The following COL6A6 variants were observed in gnomAD, a reference collection of about 807,000 sequenced individuals.
COL6A6 encodes the protein collagen type VI alpha 6 chain.
COL6A6 carries 183 observed loss-of-function variants against 208.6 expected under a neutral mutation model. That is an observed-to-expected ratio of 0.88 (90% CI 0.78 to 0.99). The LOEUF (loss-of-function observed/expected upper bound fraction) is 0.99, where lower values mean the gene tolerates loss of function less well. COL6A6 is among the 50% of genes least tolerant of loss of function. The pLI, the probability that COL6A6 is intolerant of heterozygous loss-of-function variation, is 0.00. For synonymous variants in COL6A6, 973 were observed against 1,011.8 expected, an observed-to-expected ratio of 0.96 and a Z score of 0.73; for missense variants, 2,816 against 2,815.2, an observed-to-expected ratio of 1.00 and a Z score of -0.01.
intron 20 of COL6A6, among the ~76,000 whole-genome samples, chr3:130,603,848 A>T (rs1413275375): frequency 6.6e-6 from 1 of 152,000 alleles, no homozygotes; most frequent in Non-Finnish European, 1.5e-5. Context: ...TGATGGTTCT[A>T]TATCTAGGAA....
chr3:130,614,404 G>A (rs184576403), intron 23 of COL6A6, among the ~76,000 whole-genome samples: 36 of 152,186 alleles, frequency 2.4e-4, no homozygotes, highest in Middle Eastern at 6.8e-3. Flanking sequence ...TACTGGATTC[G>A]CTTTGCTAGT....
At chr3:130,620,118 TG>T (rs1254543243) in intron 23 of COL6A6, among the ~76,000 whole-genome samples, 2 of 150,550 alleles carry the variant, frequency 1.3e-5, no homozygotes, top group South Asian at 2.1e-4. Context: ...AGTTTTGTTT[TG>T]TTTTTTTTTG....
chr3:130,530,800 G>A (rs2062062546), intron 1 of COL6A6, among the ~76,000 whole-genome samples: 1 of 152,062 alleles, frequency 6.6e-6, no homozygotes, highest in African/African-American at 2.4e-5. Flanking sequence ...TAATGCATGT[G>A]GGCCTCATTC....
In COL6A6 at chr3:130,563,223, A is replaced by C. The variant is rs2062935189; in HGVS notation, c.220A>C (p.Lys74Gln). Reference sequence around the variant, plus strand: ...TGTGGCCCTGGCCCAGTACAGTGATAAACTTCACAGTGAATTCCACCTGAG... The same window carrying C: ...TGTGGCCCTGGCCCAGTACAGTGATCAACTTCACAGTGAATTCCACCTGAG... ...YRVALAQYSD[K>Q]LHSEFHLSTF... Residue 74 changes from lysine (K) to glutamine (Q), a missense_variant, in exon 3 of 37, where the codon AAA (lysine) becomes CAA (glutamine). Physicochemically the swap from Lys to Gln is moderately conservative, Grantham distance 53. Transcript: ENST00000358511. The C allele has an allele frequency of 1.2e-6, 2 of 1,614,020 alleles. No homozygotes were observed. The highest frequency in any genetic ancestry group is 1.7e-6 in the Non-Finnish European group (2 of 1,179,892).
chr3:130,578,539 C>T (rs1269744994), intron 8 of COL6A6, among the ~76,000 whole-genome samples: 4 of 152,168 alleles, frequency 2.6e-5, no homozygotes, highest in Middle Eastern at 3.4e-3. Flanking sequence ...ATAACTGGTG[C>T]GTTGGTCATG....
At chr3:130,594,790 G>A (rs1044613478) in intron 18 of COL6A6, among the ~76,000 whole-genome samples, 2 of 152,098 alleles carry the variant, frequency 1.3e-5, no homozygotes, top group South Asian at 2.1e-4. Context: ...AGTTCCACAT[G>A]GCTGAGGTGC....
chr3:130,661,405 A>G (rs916276546), intron 34 of COL6A6, among the ~76,000 whole-genome samples: 2 of 152,206 alleles, frequency 1.3e-5, no homozygotes, highest in African/African-American at 2.4e-5. Context: ...CTAATCTTTA[A>G]AAGTCTGATA....
At chr3:130,558,474 C>T (rs1053036480) in intron 1 of COL6A6, among the ~76,000 whole-genome samples, 1 of 152,216 alleles carries the variant, frequency 6.6e-6, no homozygotes. Flanking sequence ...ATCCAGAGAA[C>T]TTAACTTTTG....
At chr3:130,582,222 T>C (rs2063441780) in intron 10 of COL6A6, among the ~76,000 whole-genome samples, 154 bp downstream of exon 10, 1 of 152,170 alleles carries the variant, frequency 6.6e-6, no homozygotes, top group African/African-American at 2.4e-5. Flanking sequence ...ACAAATGAGC[T>C]CTCAGAATAT....
intron 20 of COL6A6, among the ~76,000 whole-genome samples, chr3:130,605,015 C>T (rs80249677): frequency 2.0e-4 from 31 of 152,174 alleles, no homozygotes; most frequent in Non-Finnish European, 8.8e-5. Flanking sequence ...GCCTAGTAAC[C>T]CTGCTACTTC....
chr3:130,625,415 A>T (rs994457973), intron 24 of COL6A6, among the ~76,000 whole-genome samples: 1 of 152,210 alleles, frequency 6.6e-6, no homozygotes, highest in Admixed American at 6.5e-5. Context: ...ACTTGGCATT[A>T]GGGAAACTTG....
chr3:130,541,783 C>T (rs2062369086), intron 1 of COL6A6, among the ~76,000 whole-genome samples: 1 of 152,166 alleles, frequency 6.6e-6, no homozygotes, highest in Admixed American at 6.5e-5. Context: ...CAAAACCCAC[C>T]AGTGAACATA....
At chr3:130,526,808 T>C (rs1308041679) in intron 1 of COL6A6, among the ~76,000 whole-genome samples, 1 of 146,926 alleles carries the variant, frequency 6.8e-6, no homozygotes, top group African/African-American at 2.6e-5. Context: ...ATATGCTCCA[T>C]GAGATAAAAA....
At chr3:130,616,577 A>G (rs2064533759) in intron 23 of COL6A6, among the ~76,000 whole-genome samples, 1 of 146,798 alleles carries the variant, frequency 6.8e-6, no homozygotes, top group Admixed American at 6.8e-5. Flanking sequence ...AAAAGGATGG[A>G]AAATCAGACA....
Position 130,568,535 on chromosome 3 carries a change from G to T in COL6A6, c.2332G>T (p.Val778Phe), listed in dbSNP as rs201380592. ...TGGGAGGCCCGAGATGGTTTTTTAT[G>T]TTGAGAATTTTGACATTCTGCAGCG... Reference protein sequence around the residue: ...ISGRPEMVFYVENFDILQRIE... With the variant: ...ISGRPEMVFYFENFDILQRIE... The change falls in exon 6 of 37, where the codon GTT becomes TTT. Residue 778 changes from valine to phenylalanine, a missense_variant. By Grantham distance (50) the Val-to-Phe change is conservative. Transcript: ENST00000358511. 7.8e-5 allele frequency: 126 copies of T among 1,611,668 alleles called. 4 individuals carry two copies. Among genetic ancestry groups the T allele is most frequent in the South Asian group, 6.3e-4 (57 of 91,060 alleles).
intron 11 of COL6A6, 77 bp downstream of exon 11, chr3:130,586,737 AT>A: frequency 2.2e-6 from 3 of 1,380,812 alleles, no homozygotes; most frequent in Non-Finnish European, 2.0e-6. Flanking sequence ...ATGCTTAAGA[AT>A]TTGAACTTAC....
intron 1 of COL6A6, among the ~76,000 whole-genome samples, chr3:130,550,153 T>C (rs2107795630): frequency 6.9e-6 from 1 of 144,888 alleles, no homozygotes; most frequent in East Asian, 1.9e-4. Context: ...TGTACATTGA[T>C]TTTTTTTATC....
intron 32 of COL6A6, among the ~76,000 whole-genome samples, chr3:130,647,937 T>C (rs148646633): frequency 2.3e-3 from 350 of 152,362 alleles, no homozygotes; most frequent in African/African-American, 8.0e-3. Context: ...CTGCTCTTTG[T>C]TGAGCTCTTT....
At position 130,531,064 on chromosome 3, in the gene COL6A6, T is replaced by A. The variant is rs1191940409; in HGVS notation, c.-32+13667T>A. On this transcript the variant is annotated intron_variant, in intron 1 of 36. Coordinates refer to ENST00000358511, the MANE Select transcript of COL6A6 (RefSeq NM_001102608.3). Reference sequence around the variant, plus strand: ...GACACACACACACACACACACAGTCTCTCTCTCTCTCTCTCTCTCTCTCTC... The same window carrying A: ...GACACACACACACACACACACAGTCACTCTCTCTCTCTCTCTCTCTCTCTC... 1.7e-3 allele frequency among the ~76,000 whole-genome samples: 186 copies of A among 112,276 alleles called. 1 individual carries two copies. Among genetic ancestry groups the A allele is most frequent in the African/African-American group, 9.5e-3 (171 of 18,040 alleles). The allele number at this position is 112,276 out of a possible 152,430, so 73.7% of individuals were successfully genotyped here.
Sources: allele counts gnomAD v4.1 joint callset (sites outside exome capture counted in the v4.1 genomes callset), GRCh38; gene constraint gnomAD v4.1.1; transcripts MANE v1.5; gene names NCBI Gene and HGNC (gene_info 2026-07-23, HGNC 2026-07-21).